NHS: variants seen among roughly 807,000 people sequenced by gnomAD.
NHS encodes the protein actin remodeling regulator NHS.
In NHS, 5 loss-of-function variants were observed where a neutral mutation model predicts 72.5. The observed-to-expected ratio is 0.07, with a 90% CI of 0.04 to 0.14. NHS has a LOEUF of 0.14. NHS is among the 10% of genes least tolerant of loss of function. The pLI is 1.00. For synonymous variants in NHS, 464 were observed against 547.7 expected, an observed-to-expected ratio of 0.85 and a Z score of 2.13; for missense variants, 1,072 against 1,355.7, an observed-to-expected ratio of 0.79 and a Z score of 3.29.
chrX:17,674,106 G>T (rs2066065527), intron 1 of NHS, among the ~76,000 whole-genome samples: 1 of 111,976 alleles, frequency 8.9e-6, no homozygotes, highest in African/African-American at 3.3e-5. Context: ...TCCTTTCCCA[G>T]ACCCAAGTGT....
At chrX:17,679,866 G>C (rs1204688426) in intron 1 of NHS, among the ~76,000 whole-genome samples, 2 of 104,878 alleles carry the variant, frequency 1.9e-5, no homozygotes, top group Non-Finnish European at 3.9e-5. Context: ...GAAAGGGGGG[G>C]GGGGTGTGCG....
intron 1 of NHS, among the ~76,000 whole-genome samples, chrX:17,558,559 C>T (rs771115137): frequency 1.2e-4 from 13 of 112,334 alleles, no homozygotes; most frequent in Non-Finnish European, 2.3e-4. Flanking sequence ...CCCTGCTCCA[C>T]CTGTTACCAG....
intron 1 of NHS, among the ~76,000 whole-genome samples, chrX:17,494,335 T>C (rs1047079626): frequency 3.6e-5 from 4 of 111,535 alleles, no homozygotes; most frequent in Admixed American, 1.9e-4. Context: ...TGCCTTGGCC[T>C]CCCAAAGTGC....
intron 1 of NHS, among the ~76,000 whole-genome samples, chrX:17,497,037 G>A (rs772648583): frequency 2.7e-5 from 3 of 112,091 alleles, no homozygotes; most frequent in Admixed American, 1.9e-4. Flanking sequence ...GGTTATTTGG[G>A]TTCATGATTG....
chrX:17,672,974 G>A, intron 1 of NHS, among the ~76,000 whole-genome samples: 1 of 110,711 alleles, frequency 9.0e-6, no homozygotes, highest in Non-Finnish European at 1.9e-5. Flanking sequence ...CACAAAGGAG[G>A]TGCAACTCGA....
chrX:17,394,865 C>T (rs1030890974), intron 1 of NHS, among the ~76,000 whole-genome samples: 2 of 111,480 alleles, frequency 1.8e-5, no homozygotes, highest in Non-Finnish European at 3.8e-5. Flanking sequence ...CCCGACATTT[C>T]GTGTGTGACT....
chrX:17,454,359 G>T (rs2064817608), intron 1 of NHS, among the ~76,000 whole-genome samples: 1 of 111,885 alleles, frequency 8.9e-6, no homozygotes, highest in Admixed American at 9.5e-5. Flanking sequence ...GACACCATCT[G>T]GTCAGTGGTC....
At chrX:17,650,542 C>G (rs1312193620) in intron 1 of NHS, among the ~76,000 whole-genome samples, 1 of 112,239 alleles carries the variant, frequency 8.9e-6, no homozygotes, top group Non-Finnish European at 1.9e-5. Flanking sequence ...TCCCCTTGAT[C>G]CAGCCCCACG....
Position 17,725,899 on chromosome X carries a change from C to T in NHS, c.1793C>T (p.Ser598Phe). The T allele has an allele frequency of 8.3e-7, 1 of 1,211,727 alleles. No individual in the cohort carries two copies. Among genetic ancestry groups the T allele is most frequent in the African/African-American group, 1.7e-5 (1 of 57,726 alleles). ...GACTCTGGCAGCTGTGACATCTCCT[C>T]CAACTCAGACACGTTTGGGAGCCCC... ...AADSGSCDIS[S>F]NSDTFGSPIH... Residue 598 changes from serine to phenylalanine, a missense_variant, in exon 7 of 9, where the codon TCC becomes TTC. Coordinates refer to ENST00000676302, the MANE Select transcript of NHS (RefSeq NM_001291867.2).
intron 1 of NHS, among the ~76,000 whole-genome samples, chrX:17,682,974 AAGAG>A (rs2066138568): frequency 9.0e-6 from 1 of 111,664 alleles, no homozygotes; most frequent in African/African-American, 3.3e-5. Context: ...TAGTCTTTCC[AAGAG>A]AGTGGCAGCC....
intron 1 of NHS, among the ~76,000 whole-genome samples, chrX:17,450,552 G>A (rs1161702356): frequency 8.9e-6 from 1 of 112,046 alleles, no homozygotes; most frequent in African/African-American, 3.2e-5. Context: ...TCGTTCCAGA[G>A]TCTGAGCTCT....
At chrX:17,385,804 G>A (rs1434483644) in intron 1 of NHS, among the ~76,000 whole-genome samples, 5 of 112,296 alleles carry the variant, frequency 4.5e-5, no homozygotes, top group African/African-American at 1.6e-4. Context: ...TCTTAAAAGT[G>A]TAATTGCTGG....
At chrX:17,544,985 G>A (rs969482102) in intron 1 of NHS, among the ~76,000 whole-genome samples, 1 of 112,648 alleles carries the variant, frequency 8.9e-6, no homozygotes, top group African/African-American at 3.2e-5. Flanking sequence ...ATTTACCTAT[G>A]TGAGGCCCCA....
intron 1 of NHS, among the ~76,000 whole-genome samples, chrX:17,396,318 C>CTT (rs199707391): frequency 9.0e-6 from 1 of 111,255 alleles, no homozygotes; most frequent in African/African-American, 3.3e-5. Flanking sequence ...TTTATTTTCT[C>CTT]TTTTTTACCG....
At chrX:17,385,100 A>G (rs2064399276) in intron 1 of NHS, among the ~76,000 whole-genome samples, 1 of 112,478 alleles carries the variant, frequency 8.9e-6, no homozygotes, top group Non-Finnish European at 1.9e-5. Flanking sequence ...CCACCAGACT[A>G]AGCCCAGAGG....
chrX:17,719,273 G>A, intron 3 of NHS, 71 bp from the exon 4 acceptor site: 1 of 876,664 alleles, frequency 1.1e-6, no homozygotes, highest in Non-Finnish European at 1.6e-6. Flanking sequence ...TCATAGATTT[G>A]GCCTAACCAG....
In NHS at chrX:17,441,313, C is replaced by T. The variant is rs766579019; in HGVS notation, c.565+64991C>T. On this transcript the variant is annotated intron_variant, in intron 1 of 8. Transcript: ENST00000676302. ...GGCTCAGAGAGGTTGGATGACTTCC[C>T]CAGGTCAGTCATCCAGTAAGATGTA... is the stretch of plus-strand genomic sequence containing the variant. Among the ~76,000 whole-genome samples the T allele has an allele frequency of 3.6e-5, 4 of 111,700 alleles. No homozygotes were observed. The South Asian group carries it at 1.1e-3, about 32-fold the overall frequency.
At chrX:17,566,754 T>C (rs764172786) in intron 1 of NHS, among the ~76,000 whole-genome samples, 1 of 110,785 alleles carries the variant, frequency 9.0e-6, no homozygotes, top group East Asian at 2.8e-4. Context: ...CTTGCTTATC[T>C]GATCCGTTAC....
At chrX:17,607,069 C>G (rs753239610) in intron 1 of NHS, among the ~76,000 whole-genome samples, 6 of 111,572 alleles carry the variant, frequency 5.4e-5, no homozygotes, top group Non-Finnish European at 1.1e-4. Flanking sequence ...CTCAGGGAGT[C>G]TGGCTCCAGG....
Sources: gnomAD v4.1 joint callset for allele counts (sites outside exome capture counted in the v4.1 genomes callset) on GRCh38, gnomAD v4.1.1 for gene constraint, MANE v1.5 for transcripts, NCBI Gene and HGNC (gene_info 2026-07-23, HGNC 2026-07-21) for gene names.